Variants in CDC42 observed in about 807,000 individuals in gnomAD.
CDC42 encodes the protein cell division control protein 42 homolog.
Under a neutral mutation model 20.8 loss-of-function variants are expected in CDC42, and 1 was observed. The observed-to-expected ratio is 0.05, with a 90% CI of 0.02 to 0.23. The LOEUF is 0.23. Ranked by LOEUF, CDC42 falls within the 10% of genes least tolerant of loss-of-function variation. The pLI, the probability that CDC42 is intolerant of heterozygous loss-of-function variation, is 1.00. For synonymous variants in CDC42, 72 were observed against 84.8 expected, an observed-to-expected ratio of 0.85 and a Z score of 0.83; for missense variants, 49 against 227.9, an observed-to-expected ratio of 0.21 and a Z score of 5.05.
At chr1:22,073,696 C>T (rs1645517806) in intron 1 of CDC42, among the ~76,000 whole-genome samples, 2 of 152,202 alleles carry the variant, frequency 1.3e-5, no homozygotes, top group Admixed American at 1.3e-4. Context: ...GGGTCTTGCT[C>T]TGTCATCCAG....
Sources: gnomAD v4.1 joint callset for allele counts (sites outside exome capture counted in the v4.1 genomes callset) on GRCh38, gnomAD v4.1.1 for gene constraint, MANE v1.5 for transcripts, NCBI Gene and HGNC (gene_info 2026-07-23, HGNC 2026-07-21) for gene names.